Variants in FSTL4 observed in about 807,000 individuals in gnomAD.
FSTL4 encodes the protein follistatin-related protein 4.
Under a neutral mutation model 78.2 loss-of-function variants are expected in FSTL4, and 28 were observed. The observed-to-expected ratio is 0.36, with a 90% CI of 0.27 to 0.49. The LOEUF (loss-of-function observed/expected upper bound fraction) is 0.49, where lower values mean the gene tolerates loss of function less well. Among genes scored for constraint, FSTL4 ranks in the 20% least tolerant of loss-of-function variants. The pLI is 0.98. For missense variants in FSTL4, 922 were observed against 1,084.9 expected, an observed-to-expected ratio of 0.85 and a Z score of 2.11; for synonymous variants, 422 against 440.5, an observed-to-expected ratio of 0.96 and a Z score of 0.53.
the FSTL4 span, among the ~76,000 whole-genome samples, chr5:133,641,282 G>A: frequency 9.4e-5 from 10 of 106,292 alleles, no homozygotes; most frequent in East Asian, 2.8e-4. Context: ...AAAAAAACAC[G>A]TACTGATTCA....
intron 2 of FSTL4, among the ~76,000 whole-genome samples, chr5:133,580,668 C>T (rs10491291): frequency 0.13 from 19,297 of 152,216 alleles, 1,502 homozygotes; most frequent in Admixed American, 0.23. Flanking sequence ...TAGGTCTCTA[C>T]TTCAATACCC....
At chr5:133,562,711 C>T (rs181316736) in intron 3 of FSTL4, among the ~76,000 whole-genome samples, 49 of 152,308 alleles carry the variant, frequency 3.2e-4, no homozygotes, top group Admixed American at 2.4e-3. Flanking sequence ...TCCCCAAACT[C>T]GCAGCCCCTA....
chr5:133,258,702 G>A (rs141132815), intron 6 of FSTL4, among the ~76,000 whole-genome samples: 19 of 152,262 alleles, frequency 1.2e-4, no homozygotes, highest in South Asian at 4.2e-4. Context: ...TGACCCCATC[G>A]GACTTGATGA....
At chr5:133,316,394 G>T (rs1205467313) in intron 5 of FSTL4, 65 bp downstream of exon 5, 2 of 1,275,518 alleles carry the variant, frequency 1.6e-6, no homozygotes, top group Non-Finnish European at 2.2e-6. Flanking sequence ...ACACCAGGGG[G>T]CCGGGGTGGG....
At chr5:133,627,086 A>G in the FSTL4 span, among the ~76,000 whole-genome samples, 1 of 146,986 alleles carries the variant, frequency 6.8e-6, no homozygotes, top group African/African-American at 2.5e-5. Flanking sequence ...ATACACATTT[A>G]GTATTGTTAT....
At chr5:133,658,636 G>A in the FSTL4 span, among the ~76,000 whole-genome samples, 3 of 151,910 alleles carry the variant, frequency 2.0e-5, no homozygotes, top group African/African-American at 7.3e-5. Context: ...ATTAATTTCT[G>A]CCTATCTTCT....
intron 6 of FSTL4, among the ~76,000 whole-genome samples, chr5:133,256,172 G>A (rs552929938): frequency 6.6e-6 from 1 of 152,320 alleles, no homozygotes; most frequent in East Asian, 1.9e-4. Flanking sequence ...TCAGGGGCCT[G>A]CTTGGGAATG....
At chr5:133,833,198 T>A in the FSTL4 span, among the ~76,000 whole-genome samples, 1 of 151,890 alleles carries the variant, frequency 6.6e-6, no homozygotes, top group Non-Finnish European at 1.5e-5. Context: ...ACATGGAGAG[T>A]GAGCAAGAAA....
At chr5:133,351,993 T>C (rs1440188578) in intron 4 of FSTL4, among the ~76,000 whole-genome samples, 1 of 152,032 alleles carries the variant, frequency 6.6e-6, no homozygotes, top group Non-Finnish European at 1.5e-5. Flanking sequence ...GAAGAGTATT[T>C]AGATCTGTCA....
intron 3 of FSTL4, among the ~76,000 whole-genome samples, chr5:133,502,654 C>G (rs1758523651): frequency 6.6e-6 from 1 of 152,156 alleles, no homozygotes; most frequent in African/African-American, 2.4e-5. Context: ...CCTTCTCCCT[C>G]CCTCTCTTCC....
At chr5:133,487,258 G>A (rs1758156738) in intron 3 of FSTL4, among the ~76,000 whole-genome samples, 2 of 152,180 alleles carry the variant, frequency 1.3e-5, no homozygotes. Context: ...TTGGCACGTG[G>A]CTCTGCACTC....
intron 4 of FSTL4, among the ~76,000 whole-genome samples, chr5:133,319,596 G>C (rs935179542): frequency 6.6e-5 from 10 of 152,224 alleles, no homozygotes; most frequent in African/African-American, 2.4e-4. Flanking sequence ...GTCAGGTGGA[G>C]AGTGAAACAA....
chr5:133,565,856 G>A (rs1015512564), intron 3 of FSTL4, among the ~76,000 whole-genome samples: 9 of 152,124 alleles, frequency 5.9e-5, no homozygotes, highest in Non-Finnish European at 2.9e-5. Context: ...ATTCACAGTC[G>A]GGATTCTGGC....
At chr5:133,203,684 G>A (rs185317186) in intron 14 of FSTL4, among the ~76,000 whole-genome samples, 1 of 152,308 alleles carries the variant, frequency 6.6e-6, no homozygotes, top group African/African-American at 2.4e-5. Context: ...ATCTTAGAGA[G>A]TCTGAAAAGA....
intron 3 of FSTL4, among the ~76,000 whole-genome samples, chr5:133,521,382 C>T (rs574921565): frequency 1.3e-5 from 2 of 152,216 alleles, no homozygotes; most frequent in Admixed American, 6.5e-5. Context: ...TTCCCAGTTA[C>T]AGATCCTTTT....
intron 6 of FSTL4, among the ~76,000 whole-genome samples, chr5:133,258,890 G>A (rs1752446982): frequency 1.3e-5 from 2 of 152,166 alleles, no homozygotes; most frequent in Admixed American, 6.5e-5. Flanking sequence ...AGTCATCCAG[G>A]TCAGGAACCT....
chr5:133,515,566 A>G (rs1032881791), intron 3 of FSTL4, among the ~76,000 whole-genome samples: 3 of 152,316 alleles, frequency 2.0e-5, no homozygotes, highest in African/African-American at 7.2e-5. Flanking sequence ...AAACAAAATA[A>G]GCTGCAAGAA....
At chr5:133,228,410 T>G (rs1370346390) in intron 8 of FSTL4, among the ~76,000 whole-genome samples, 1 of 152,186 alleles carries the variant, frequency 6.6e-6, no homozygotes, top group South Asian at 2.1e-4. Context: ...AGGGAAGATG[T>G]TCCAAATTAC....
chr5:133,545,749 GA>G (rs1316613425), intron 3 of FSTL4, among the ~76,000 whole-genome samples: 1 of 152,194 alleles, frequency 6.6e-6, no homozygotes, highest in African/African-American at 2.4e-5. Context: ...GTGAATGCTA[GA>G]AAAAGCCTAT....
Sources: allele counts gnomAD v4.1 joint callset (sites outside exome capture counted in the v4.1 genomes callset), GRCh38; gene constraint gnomAD v4.1.1; transcripts MANE v1.5; gene names NCBI Gene and HGNC (gene_info 2026-07-23, HGNC 2026-07-21).